The following CAMK1D variants were observed in gnomAD, a reference collection of about 807,000 sequenced individuals.
CAMK1D encodes the protein calcium/calmodulin dependent protein kinase ID, also known as calcium/calmodulin-dependent protein kinase type 1D.
A neutral mutation model predicts 47.7 loss-of-function variants in CAMK1D; 9 were observed. The ratio of observed to expected loss-of-function variants is 0.19; its 90% CI spans 0.11 to 0.33. The LOEUF is 0.33. CAMK1D is among the 10% of genes least tolerant of loss of function. The pLI, the probability that CAMK1D is intolerant of heterozygous loss-of-function variation, is 1.00. For missense variants in CAMK1D, 291 were observed against 488.7 expected (o/e 0.60, Z 3.81); for synonymous variants, 184 against 184.9 (o/e 0.99, Z 0.04).
chr10:12,620,817 G>C (rs1426479155), intron 2 of CAMK1D, among the ~76,000 whole-genome samples: 1 of 152,076 alleles, frequency 6.6e-6, no homozygotes, highest in Non-Finnish European at 1.5e-5. Flanking sequence ...GGATGCTTTT[G>C]GTTTCAGTTG....
intron 1 of CAMK1D, among the ~76,000 whole-genome samples, chr10:12,392,909 T>G (rs1269965583): frequency 1.7e-5 from 2 of 117,696 alleles, no homozygotes; most frequent in South Asian, 6.7e-4. Flanking sequence ...TTCTTCCAAA[T>G]TTTCCTAGTT....
rs45531338 is a variant in CAMK1D, at chr10:12,813,731, C to T, written c.642-464C>T. Among the ~76,000 whole-genome samples the T allele has an allele frequency of 3.9e-5, 6 of 152,124 alleles. No individual in the cohort carries two copies. The South Asian group carries it at 1.0e-3, about 26-fold the overall frequency. On this transcript the variant is annotated intron_variant, in intron 6 of 10. Transcript: ENST00000619168. ...TGGTTGAGATTATATTTGCAACACA[C>T]GCGGTACAGATTTTCTTTTTCTTTT...
intron 1 of CAMK1D, among the ~76,000 whole-genome samples, chr10:12,389,400 G>A (rs1283349961): frequency 1.3e-5 from 2 of 152,174 alleles, no homozygotes; most frequent in Non-Finnish European, 2.9e-5. Context: ...CGTGGCCAGA[G>A]GTGTCTTCAG....
At chr10:12,572,451 T>C (rs12262195) in intron 2 of CAMK1D, among the ~76,000 whole-genome samples, 11,398 of 152,174 alleles carry the variant, frequency 0.075, 1,286 homozygotes, top group African/African-American at 0.25. Flanking sequence ...TTGAAAATTT[T>C]TGCATAGCAA....
intron 1 of CAMK1D, among the ~76,000 whole-genome samples, chr10:12,417,807 C>CT (rs34013103): frequency 0.21 from 30,849 of 145,278 alleles, 3,263 homozygotes; most frequent in Admixed American, 0.29. Flanking sequence ...TATTTTTTGC[C>CT]TTTTTTTTTT....
At chr10:12,549,791 T>C (rs1297210557) in intron 1 of CAMK1D, among the ~76,000 whole-genome samples, 1 of 152,202 alleles carries the variant, frequency 6.6e-6, no homozygotes, top group Non-Finnish European at 1.5e-5. Context: ...AGAAAAATCC[T>C]AGCTCCACGG....
intron 2 of CAMK1D, among the ~76,000 whole-genome samples, chr10:12,654,607 A>G (rs999298507): frequency 2.6e-5 from 4 of 152,248 alleles, no homozygotes; most frequent in Admixed American, 2.6e-4. Context: ...TGCTAATACT[A>G]TTATACTTGC....
intron 2 of CAMK1D, among the ~76,000 whole-genome samples, chr10:12,603,831 T>TC (rs988759832): frequency 2.0e-5 from 3 of 152,140 alleles, no homozygotes; most frequent in African/African-American, 7.2e-5. Context: ...GTTTCATCTT[T>TC]CCCCCATCTC....
intron 1 of CAMK1D, among the ~76,000 whole-genome samples, chr10:12,402,879 CA>C (rs1839277735): frequency 6.6e-6 from 1 of 151,886 alleles, no homozygotes; most frequent in South Asian, 2.1e-4. Flanking sequence ...TTTATGTGGG[CA>C]AAAGGTGATG....
chr10:12,480,420 G>A (rs1834029607), intron 1 of CAMK1D, among the ~76,000 whole-genome samples: 3 of 151,476 alleles, frequency 2.0e-5, no homozygotes, highest in Admixed American at 6.6e-5. Context: ...GAGCGACAGA[G>A]CAAGACTCCA....
chr10:12,501,776 C>T (rs143674356), intron 1 of CAMK1D, among the ~76,000 whole-genome samples: 1 of 152,258 alleles, frequency 6.6e-6, no homozygotes, highest in African/African-American at 2.4e-5. Context: ...ACAGCACAGC[C>T]TCCCCACCCT....
intron 1 of CAMK1D, among the ~76,000 whole-genome samples, chr10:12,547,576 G>A (rs981896147): frequency 2.0e-5 from 3 of 151,928 alleles, no homozygotes; most frequent in African/African-American, 7.3e-5. Context: ...TTCTTGGGTT[G>A]GGGGAAGTCT....
At chr10:12,690,168 A>G (rs1221932773) in intron 3 of CAMK1D, among the ~76,000 whole-genome samples, 2 of 152,194 alleles carry the variant, frequency 1.3e-5, no homozygotes, top group African/African-American at 4.8e-5. Flanking sequence ...ACATGACTGT[A>G]GACCTGGTGA....
intron 1 of CAMK1D, among the ~76,000 whole-genome samples, chr10:12,490,067 G>A (rs920717356): frequency 6.6e-6 from 1 of 152,186 alleles, no homozygotes; most frequent in Non-Finnish European, 1.5e-5. Context: ...GAGGGCAAGG[G>A]TGCCACGTGG....
At chr10:12,363,621 A>C (rs1315102192) in intron 1 of CAMK1D, among the ~76,000 whole-genome samples, 1 of 151,956 alleles carries the variant, frequency 6.6e-6, no homozygotes, top group Non-Finnish European at 1.5e-5. Flanking sequence ...ACTGACAAAA[A>C]AGGCTATATA....
intron 1 of CAMK1D, among the ~76,000 whole-genome samples, chr10:12,475,591 G>A (rs752771875): frequency 2.4e-4 from 36 of 152,166 alleles, no homozygotes; most frequent in Non-Finnish European, 7.3e-5. Flanking sequence ...GTGAACATGA[G>A]TGTACAAATA....
At chr10:12,722,880 G>A (rs1479301013) in intron 3 of CAMK1D, among the ~76,000 whole-genome samples, 1 of 152,176 alleles carries the variant, frequency 6.6e-6, no homozygotes, top group Non-Finnish European at 1.5e-5. Context: ...CAGGAAATGT[G>A]ATTTAATAAG....
chr10:12,428,146 A>G (rs907790002), intron 1 of CAMK1D, among the ~76,000 whole-genome samples: 1 of 152,026 alleles, frequency 6.6e-6, no homozygotes, highest in Non-Finnish European at 1.5e-5. Context: ...TGCATTAGGT[A>G]TATCTCCTAA....
chr10:12,548,131 T>C (rs965734373), intron 1 of CAMK1D, among the ~76,000 whole-genome samples: 2 of 152,180 alleles, frequency 1.3e-5, no homozygotes, highest in Non-Finnish European at 2.9e-5. Context: ...ACCACTTGTG[T>C]GATGGGACTC....
Sources: gnomAD v4.1 joint callset for allele counts (sites outside exome capture counted in the v4.1 genomes callset) on GRCh38, gnomAD v4.1.1 for gene constraint, MANE v1.5 for transcripts, NCBI Gene and HGNC (gene_info 2026-07-23, HGNC 2026-07-21) for gene names.